The following LPIN2 variants were observed in gnomAD, a reference collection of about 807,000 sequenced individuals.
LPIN2 encodes the protein phosphatidate phosphatase LPIN2.
LPIN2 carries 55 observed loss-of-function variants against 111.4 expected under a neutral mutation model. The observed-to-expected ratio is 0.49, with a 90% CI of 0.40 to 0.62. The LOEUF (loss-of-function observed/expected upper bound fraction) is 0.62, where lower values mean the gene tolerates loss of function less well. LPIN2 is among the 20% of genes least tolerant of loss of function. The pLI, the probability that LPIN2 is intolerant of heterozygous loss-of-function variation, is 0.00. For synonymous variants in LPIN2, 425 were observed against 414.0 expected (o/e 1.03, Z -0.32); for missense variants, 992 against 1,112.1 (o/e 0.89, Z 1.54).
intron 1 of LPIN2, among the ~76,000 whole-genome samples, chr18:3,004,264 C>G (rs888189737): frequency 6.6e-6 from 1 of 152,116 alleles, no homozygotes; most frequent in African/African-American, 2.4e-5. Flanking sequence ...TGACCTACTC[C>G]CTGTTCATAC....
chr18:2,991,274 T>G (rs1355109246), intron 1 of LPIN2, among the ~76,000 whole-genome samples: 1 of 152,114 alleles, frequency 6.6e-6, no homozygotes. Flanking sequence ...ATCTATATTG[T>G]GAAATATGAA....
In LPIN2 at chr18:2,960,736, C is replaced by T; in HGVS notation, c.105G>A (p.Val35=). ...ATLSGCIDVI[V]VQQQDGSYQC... ...GATAGCTGCCATCCTGCTGCTGTAC[C>T]ACGATGACATCAATGCACCCAGAGA... Residue 35 remains valine, a synonymous_variant, in exon 2 of 20, where the codon GTG becomes GTA. Coordinates refer to ENST00000677752, the MANE Select transcript of LPIN2 (RefSeq NM_001375808.2). 6.2e-7 allele frequency: 1 copy of T among 1,614,076 alleles called. No homozygotes were observed. The highest frequency in any genetic ancestry group is 8.5e-7 in the Non-Finnish European group (1 of 1,180,012).
At chr18:3,003,824 C>G (rs1392722205) in intron 1 of LPIN2, among the ~76,000 whole-genome samples, 1 of 152,196 alleles carries the variant, frequency 6.6e-6, no homozygotes, top group East Asian at 1.9e-4. Context: ...ACCATAAGGT[C>G]TGACTGCCTG....
chr18:2,920,059 T>C lies in LPIN2; in HGVS notation c.*234A>G. 1 of 593,612 alleles carries C rather than the reference T, an allele frequency of 1.7e-6. No homozygotes were observed. The highest frequency in any genetic ancestry group is 3.0e-6 in the Non-Finnish European group (1 of 333,288). 36.8% of individuals were successfully genotyped at this position (593,612 alleles called of 1,614,324 possible). A position where few individuals can be genotyped will look rare whatever the true frequency, so the allele number is the denominator to read the frequency against. The stretch of plus-strand genomic sequence containing the variant: ...ATGTGTGCGACCCACAAAGGAGGGA[T>C]CCCAGGCCTCCAGCCCCAGGCCCAG... On this transcript the variant is annotated 3_prime_UTR_variant, in exon 20 of 20. Coordinates refer to ENST00000677752, the MANE Select transcript of LPIN2 (RefSeq NM_001375808.2).
In LPIN2 at chr18:2,925,435, AG is replaced by A; in HGVS notation, c.1794-68del. 6.3e-7 allele frequency: 1 copy of A among 1,599,940 alleles called. No individual in the cohort carries two copies. The highest frequency in any genetic ancestry group is 8.6e-7 in the Non-Finnish European group (1 of 1,168,558). ...TTTTATTGATGAGAGCTTTTCATTT[AG>A]GATCAAGAAAATAAAGATATCCTAA... On this transcript the variant is annotated intron_variant, in intron 13 of 19. Transcript: ENST00000677752. The surrounding 1 kb of genome is among the most constrained non-coding windows in gnomAD (Gnocchi z 4.1).
chr18:2,961,467 A>T (rs376392391), intron 1 of LPIN2, among the ~76,000 whole-genome samples: 1 of 152,202 alleles, frequency 6.6e-6, no homozygotes, highest in East Asian at 1.9e-4. Flanking sequence ...CAATGACTCA[A>T]TATAACTAAC....
intron 1 of LPIN2, among the ~76,000 whole-genome samples, chr18:2,979,636 A>T (rs1160739933): frequency 6.6e-6 from 1 of 152,182 alleles, no homozygotes; most frequent in African/African-American, 2.4e-5. Context: ...AACTACTTCT[A>T]AATCCTTCCT....
At chr18:3,000,826 G>A (rs566905554) in intron 1 of LPIN2, among the ~76,000 whole-genome samples, 2 of 152,244 alleles carry the variant, frequency 1.3e-5, no homozygotes, top group Admixed American at 6.5e-5. Context: ...CCTCCTAAGA[G>A]ACTGTGTCTC....
At chr18:3,006,622 G>C (rs1362541067) in intron 1 of LPIN2, among the ~76,000 whole-genome samples, 3 of 152,214 alleles carry the variant, frequency 2.0e-5, no homozygotes, top group Non-Finnish European at 4.4e-5. Flanking sequence ...GAGGTCACAA[G>C]ATCAGGAGAT....
intron 4 of LPIN2, among the ~76,000 whole-genome samples, chr18:2,948,873 G>A (rs1229665049): frequency 6.6e-6 from 1 of 151,664 alleles, no homozygotes; most frequent in Non-Finnish European, 1.5e-5. Flanking sequence ...GAGGGCAGTG[G>A]TGTGATCTTG....
Position 2,931,365 on chromosome 18 carries a change from G to A in LPIN2, c.1347C>T (p.Ser449=), listed in dbSNP as rs773074044. ...ACTCGGTGCCGCTATCTGCAGCTGC[G>A]CTTCCCACGGACTGTGGGGACTGGG... is the stretch of plus-strand genomic sequence containing the variant. The part of the protein sequence containing the change: ...SGSQSPQSVG[S]AAADSGTECL... The change falls in exon 9 of 20, where the codon AGC becomes AGT. Residue 449 remains serine (S), a synonymous_variant. Coordinates refer to ENST00000677752, the MANE Select transcript of LPIN2 (RefSeq NM_001375808.2). The A allele has an allele frequency of 1.7e-5, 28 of 1,613,190 alleles. No individual in the cohort carries two copies. Among genetic ancestry groups the A allele is most frequent in the Admixed American group, 3.3e-5 (2 of 59,898 alleles).
Position 2,968,487 on chromosome 18 carries a change from A to G in LPIN2, c.-9-7638T>C, listed in dbSNP as rs138897799. Among the ~76,000 whole-genome samples, 3 of 152,308 alleles carry G rather than the reference A, an allele frequency of 2.0e-5. No individual in the cohort carries two copies. In the South Asian group the frequency reaches 6.2e-4, roughly 32 times the overall value. On this transcript the variant is annotated intron_variant, in intron 1 of 19. Coordinates refer to ENST00000677752, the MANE Select transcript of LPIN2 (RefSeq NM_001375808.2). Reference sequence around the variant, plus strand: ...CTCTCTCAGAGGACCTTGGTTCTTGAAAGAGATATAACAAATACTGTCTTA... The same window carrying G: ...CTCTCTCAGAGGACCTTGGTTCTTGGAAGAGATATAACAAATACTGTCTTA...
chr18:3,004,285 C>G (rs2078478246), intron 1 of LPIN2, among the ~76,000 whole-genome samples: 1 of 152,170 alleles, frequency 6.6e-6, no homozygotes, highest in Non-Finnish European at 1.5e-5. Context: ...ACCCCCTCCC[C>G]TTTTAAAATC....
chr18:2,972,745 T>G (rs976466957), intron 1 of LPIN2, among the ~76,000 whole-genome samples: 5 of 152,206 alleles, frequency 3.3e-5, no homozygotes, highest in African/African-American at 9.7e-5. Context: ...GCCAAACTTG[T>G]TTCAAACTAT....
At position 2,931,086 on chromosome 18, in the gene LPIN2, T is replaced by C. The variant is rs79206481; in HGVS notation, c.1456+170A>G. Among the ~76,000 whole-genome samples, 1,583 of 152,240 alleles carry C rather than the reference T, an allele frequency of 0.01. 34 individuals are homozygous for C. Among genetic ancestry groups the C allele is most frequent in the African/African-American group, 0.036 (1,480 of 41,520 alleles). On this transcript the variant is annotated intron_variant, in intron 9 of 19. Coordinates refer to ENST00000677752, the MANE Select transcript of LPIN2 (RefSeq NM_001375808.2). ...AAGCCACTCCATAAAGAGGTGTCAA[T>C]TAAGACCTTAAGTGAGGGTATAAGG...
chr18:2,982,543 A>T, intron 1 of LPIN2: 1 of 349,824 alleles, frequency 2.9e-6, no homozygotes, highest in Non-Finnish European at 5.8e-6. Flanking sequence ...TCACTACAAC[A>T]TTACATTTTC....
chr18:2,989,627 T>G, intron 1 of LPIN2, among the ~76,000 whole-genome samples: 1 of 121,130 alleles, frequency 8.3e-6, no homozygotes, highest in East Asian at 2.5e-4. Context: ...ACTTTCAAAG[T>G]TACAGTAATC....
chr18:2,943,928 GTACTTCTGTAAATTTT>G (rs1196091121), intron 4 of LPIN2, among the ~76,000 whole-genome samples: 4 of 152,150 alleles, frequency 2.6e-5, no homozygotes, highest in African/African-American at 9.7e-5. Context: ...AACGAAAATA[GTACTTCTGTAAATTTT>G]TCTTTGTAAG....
At chr18:2,926,636 TA>T in intron 13 of LPIN2, 86 bp downstream of exon 13, 2 of 1,182,504 alleles carry the variant, frequency 1.7e-6, no homozygotes, top group Non-Finnish European at 2.4e-6. Flanking sequence ...TCCCAAGAAC[TA>T]AACAAGCTGC....
Sources: gnomAD v4.1 joint callset for allele counts (sites outside exome capture counted in the v4.1 genomes callset) on GRCh38, gnomAD v4.1.1 for gene constraint, Gnocchi (gnomAD v3.1) non-coding constraint, MANE v1.5 for transcripts, NCBI Gene and HGNC (gene_info 2026-07-23, HGNC 2026-07-21) for gene names.